TXNRD2: variants seen among roughly 807,000 people sequenced by gnomAD.
TXNRD2 encodes the protein thioredoxin reductase 2, mitochondrial.
In TXNRD2, 67 loss-of-function variants were observed where a neutral mutation model predicts 70.8. That is an observed-to-expected ratio of 0.95 (90% CI 0.78 to 1.16). The LOEUF (loss-of-function observed/expected upper bound fraction) is 1.16. Ranked by LOEUF, TXNRD2 falls within the 50% of genes most tolerant of loss-of-function variation. The pLI, the probability that TXNRD2 is intolerant of heterozygous loss-of-function variation, is 0.00. For synonymous variants in TXNRD2, 301 were observed against 295.8 expected (o/e 1.02, Z -0.18); for missense variants, 644 against 719.9 (o/e 0.89, Z 1.21).
intron 8 of TXNRD2, among the ~76,000 whole-genome samples, chr22:19,903,931 G>A (rs1212251597): frequency 6.6e-6 from 1 of 152,186 alleles, no homozygotes; most frequent in Non-Finnish European, 1.5e-5. Context: ...GCCTGCCCAG[G>A]GTCACTGTAC....
intron 6 of TXNRD2, 76 bp from the exon 7 acceptor site, chr22:19,915,352 G>C: frequency 6.7e-7 from 1 of 1,497,926 alleles, no homozygotes; most frequent in South Asian, 1.2e-5. Context: ...GAGCACCACA[G>C]ACCTTGGCCA....
At chr22:19,897,834 C>G (rs1939578729) in intron 10 of TXNRD2, among the ~76,000 whole-genome samples, 1 of 152,254 alleles carries the variant, frequency 6.6e-6, no homozygotes, top group Non-Finnish European at 1.5e-5. Context: ...CTCTGTGCAG[C>G]TGTGCGCCCC....
chr22:19,902,777 C>T (rs1399080113), intron 8 of TXNRD2, among the ~76,000 whole-genome samples: 1 of 152,204 alleles, frequency 6.6e-6, no homozygotes, highest in Non-Finnish European at 1.5e-5. Flanking sequence ...AGGAGGACAG[C>T]TGGTCTCCCT....
intron 7 of TXNRD2, 62 bp from the exon 8 acceptor site, chr22:19,911,509 T>G: frequency 7.8e-7 from 1 of 1,288,090 alleles, no homozygotes; most frequent in East Asian, 2.3e-5. Flanking sequence ...AGGGCTTCCT[T>G]AAAGAGGATG....
chr22:19,913,430 C>T (rs1299933492), intron 7 of TXNRD2, among the ~76,000 whole-genome samples: 3 of 152,152 alleles, frequency 2.0e-5, no homozygotes, highest in African/African-American at 7.2e-5. Context: ...TTCAAAGCCC[C>T]CCCACAAAGA....
chr22:19,880,496 C>A (rs755081392), intron 13 of TXNRD2, 126 bp downstream of exon 13: 4 of 914,168 alleles, frequency 4.4e-6, no homozygotes, highest in Non-Finnish European at 7.1e-6. Flanking sequence ...CCCACATAAG[C>A]GCACACACAC....
At chr22:19,876,430 T>G (rs1938509450) in intron 17 of TXNRD2, 1 of 152,216 alleles carries the variant, frequency 6.6e-6, no homozygotes, top group Non-Finnish European at 1.5e-5. Flanking sequence ...GGCACAGGCA[T>G]CCCTGGGGCA....
At chr22:19,896,790 G>T (rs1939527264) in intron 10 of TXNRD2, among the ~76,000 whole-genome samples, 1 of 152,196 alleles carries the variant, frequency 6.6e-6, no homozygotes, top group Non-Finnish European at 1.5e-5. Context: ...GCTGGCTCTA[G>T]ATGGCGTGTG....
intron 2 of TXNRD2, among the ~76,000 whole-genome samples, chr22:19,927,048 CTT>C (rs1941172449): frequency 6.6e-6 from 1 of 152,108 alleles, no homozygotes; most frequent in Non-Finnish European, 1.5e-5. Context: ...AATCCCAACA[CTT>C]TGGAAGGCCA....
At chr22:19,902,999 C>G in intron 8 of TXNRD2, 1 of 518,794 alleles carries the variant, frequency 1.9e-6, no homozygotes, top group Non-Finnish European at 3.8e-6. Context: ...GACAGGCAGC[C>G]TTAAACCAGC....
chr22:19,913,943 C>T (rs1015885243), intron 7 of TXNRD2, among the ~76,000 whole-genome samples: 2 of 152,222 alleles, frequency 1.3e-5, no homozygotes, highest in African/African-American at 4.8e-5. Context: ...TGGCCACATA[C>T]ATCAAAGAAT....
intron 9 of TXNRD2, among the ~76,000 whole-genome samples, chr22:19,898,798 TGAGG>T (rs1939638954): frequency 6.6e-6 from 1 of 152,058 alleles, no homozygotes; most frequent in Admixed American, 6.6e-5. Flanking sequence ...GGGCTGCTCT[TGAGG>T]GAGGACAGCC....
chr22:19,909,903 CA>C (rs1940314975), intron 8 of TXNRD2, among the ~76,000 whole-genome samples: 1 of 50,326 alleles, frequency 2.0e-5, no homozygotes, highest in Non-Finnish European at 3.6e-5. Flanking sequence ...ACACACACAC[CA>C]CACACCCACA....
At chr22:19,926,104 G>A (rs543474966) in intron 2 of TXNRD2, among the ~76,000 whole-genome samples, 14 of 150,714 alleles carry the variant, frequency 9.3e-5, no homozygotes, top group African/African-American at 2.4e-4. Context: ...CGGAGGTTGC[G>A]GTGAGCCGAG....
intron 8 of TXNRD2, among the ~76,000 whole-genome samples, chr22:19,905,831 C>A (rs1939985091): frequency 6.6e-6 from 1 of 151,438 alleles, no homozygotes; most frequent in South Asian, 2.1e-4. Flanking sequence ...CCCATCTCCA[C>A]CACACCGCAG....
intron 3 of TXNRD2, 104 bp from the exon 4 acceptor site, chr22:19,919,108 C>G (rs1280187465): frequency 8.7e-6 from 10 of 1,148,696 alleles, no homozygotes; most frequent in Non-Finnish European, 1.1e-5. Context: ...CTTTGTAACT[C>G]TAACACAGAC....
chr22:19,884,647 G>T (rs34249993), intron 11 of TXNRD2: 22,245 of 152,254 alleles, frequency 0.15, 1,775 homozygotes, highest in Middle Eastern at 0.22. Flanking sequence ...AGGGACACCT[G>T]CTGGCTCCCA....
chr22:19,878,308 C>T, intron 15 of TXNRD2, 58 bp downstream of exon 15: 1 of 1,605,588 alleles, frequency 6.2e-7, no homozygotes, highest in Non-Finnish European at 8.5e-7. Context: ...TTCACCCTGC[C>T]AGGCTCTTTG....
At chr22:19,880,420 G>A (rs1016695854) in intron 13 of TXNRD2, 149 bp from the exon 14 acceptor site, 11 of 930,872 alleles carry the variant, frequency 1.2e-5, no homozygotes, top group East Asian at 2.6e-5. Flanking sequence ...ACCTGCCCAC[G>A]CCTGCGCCAC....
Sources: gnomAD v4.1 joint callset for allele counts (sites outside exome capture counted in the v4.1 genomes callset) on GRCh38, gnomAD v4.1.1 for gene constraint, MANE v1.5 for transcripts, NCBI Gene and HGNC (gene_info 2026-07-23, HGNC 2026-07-21) for gene names.